Variants in DGLUCY observed in about 807,000 individuals in gnomAD.
The protein encoded by DGLUCY is D-glutamate cyclase, also known as D-glutamate cyclase, mitochondrial.
DGLUCY carries 58 observed loss-of-function variants against 58.5 expected under a neutral mutation model. The observed-to-expected ratio is 0.99, with a 90% CI of 0.80 to 1.23. DGLUCY has a LOEUF of 1.23. Ranked by LOEUF, DGLUCY falls within the 50% of genes most tolerant of loss-of-function variation. The probability of loss-of-function intolerance (pLI) is 0.00; values close to 1 mark genes in which losing one functional copy is unlikely to be tolerated. For synonymous variants in DGLUCY, 325 were observed against 314.1 expected (o/e 1.03, Z -0.37); for missense variants, 779 against 784.7 (o/e 0.99, Z 0.09).
chr14:91,121,311 T>C (rs1326646870), intron 1 of DGLUCY, among the ~76,000 whole-genome samples: 2 of 152,088 alleles, frequency 1.3e-5, no homozygotes, highest in Non-Finnish European at 2.9e-5. Flanking sequence ...CTACTCCACC[T>C]CCAATCATGC....
chr14:91,123,682 G>A lies in DGLUCY; in HGVS notation c.-82+9399G>A, dbSNP rs149406269. Reference sequence around the variant, plus strand: ...GCTCACTGCAACCTCAACCCCCTGGGTGTAGATGATCCTCTGACCTCAGCT... The same window carrying A: ...GCTCACTGCAACCTCAACCCCCTGGATGTAGATGATCCTCTGACCTCAGCT... On this transcript the variant is annotated intron_variant, in intron 1 of 13. Coordinates refer to ENST00000256324, the MANE Select transcript of DGLUCY (RefSeq NM_001102368.3). Among the ~76,000 whole-genome samples, 551 of 152,186 alleles carry A rather than the reference G, an allele frequency of 3.6e-3. 9 individuals are homozygous for A. The highest frequency in any genetic ancestry group is 2.6e-3 in the Non-Finnish European group (177 of 67,990).
rs111818503 is a variant in DGLUCY, at chr14:91,142,825, A to C, written c.-81-14814A>C. On this transcript the variant is annotated intron_variant, in intron 1 of 13. Coordinates refer to ENST00000256324, the MANE Select transcript of DGLUCY (RefSeq NM_001102368.3). ...CTAAACACACACACACACACACAAC[A>C]CACCATCTCTACTAAACACACACAC... is the stretch of plus-strand genomic sequence containing the variant. Among the ~76,000 whole-genome samples the C allele has an allele frequency of 1.6e-3, 216 of 135,488 alleles. 2 individuals are homozygous for C. The highest frequency in any genetic ancestry group is 5.6e-3 in the African/African-American group (206 of 36,558). 88.9% of individuals were successfully genotyped at this position (135,488 alleles called of 152,430 possible).
chr14:91,077,550 G>A (rs1008162010), intron 1 of DGLUCY, among the ~76,000 whole-genome samples: 14 of 151,876 alleles, frequency 9.2e-5, no homozygotes, highest in African/African-American at 1.5e-4. Context: ...TCAATAGATC[G>A]AGACCATCCT....
chr14:91,178,623 C>T (rs1471829040), intron 7 of DGLUCY, among the ~76,000 whole-genome samples: 2 of 152,126 alleles, frequency 1.3e-5, no homozygotes, highest in Non-Finnish European at 2.9e-5. Context: ...CACAGACAAG[C>T]GATAATTAAA....
chr14:91,160,747 T>C (rs1247784012), intron 3 of DGLUCY, among the ~76,000 whole-genome samples: 2 of 152,176 alleles, frequency 1.3e-5, no homozygotes, highest in South Asian at 4.1e-4. Flanking sequence ...AACCAGATTT[T>C]GATTCAGACC....
chr14:91,150,291 T>G (rs554800018), intron 1 of DGLUCY, among the ~76,000 whole-genome samples: 276 of 147,262 alleles, frequency 1.9e-3, no homozygotes, highest in African/African-American at 6.7e-3. Flanking sequence ...CCTTTCCCAA[T>G]ATTAGCGCCT....
chr14:91,164,246 G>A (rs1392131417), intron 3 of DGLUCY, among the ~76,000 whole-genome samples: 1 of 152,188 alleles, frequency 6.6e-6, no homozygotes, highest in East Asian at 1.9e-4. Context: ...CACCACGCCC[G>A]GCCCAATAGA....
chr14:91,109,014 T>G (rs959598657), intron 1 of DGLUCY, among the ~76,000 whole-genome samples: 3 of 152,048 alleles, frequency 2.0e-5, no homozygotes, highest in Non-Finnish European at 2.9e-5. Context: ...AGCTGGCTGC[T>G]CCTTGCCTTT....
At chr14:91,068,075 GCACGCACA>G (rs1222938943) in intron 1 of DGLUCY, among the ~76,000 whole-genome samples, 1 of 45,996 alleles carries the variant, frequency 2.2e-5, no homozygotes, top group African/African-American at 8.6e-5. Flanking sequence ...ACACACACGC[GCACGCACA>G]CACACACACA....
intron 1 of DGLUCY, among the ~76,000 whole-genome samples, chr14:91,081,280 T>C (rs1313199141): frequency 6.6e-6 from 1 of 151,830 alleles, no homozygotes; most frequent in Non-Finnish European, 1.5e-5. Context: ...CACAAACAAG[T>C]ACAAGTGCCA....
At chr14:91,081,423 G>A (rs2044125665) in intron 1 of DGLUCY, among the ~76,000 whole-genome samples, 1 of 152,210 alleles carries the variant, frequency 6.6e-6, no homozygotes, top group African/African-American at 2.4e-5. Flanking sequence ...GAGGGCCATA[G>A]GCCAGGGCCA....
chr14:91,208,704 G>GGC (rs1885169529), intron 12 of DGLUCY, among the ~76,000 whole-genome samples: 1 of 152,114 alleles, frequency 6.6e-6, no homozygotes, highest in Non-Finnish European at 1.5e-5. Context: ...AGCCATGATT[G>GGC]TGCCACTATA....
At chr14:91,178,989 A>C (rs1029068727) in intron 7 of DGLUCY, among the ~76,000 whole-genome samples, 8 of 151,974 alleles carry the variant, frequency 5.3e-5, no homozygotes, top group African/African-American at 1.2e-4. Flanking sequence ...TCACCACTGC[A>C]CTCCAGCCTG....
At chr14:91,190,542 C>T (rs912002949) in intron 9 of DGLUCY, among the ~76,000 whole-genome samples, 1 of 151,946 alleles carries the variant, frequency 6.6e-6, no homozygotes, top group Non-Finnish European at 1.5e-5. Context: ...AGGAGGTGGC[C>T]TTTGAGTCCA....
At chr14:91,180,749 A>G (rs2049127587) in intron 7 of DGLUCY, among the ~76,000 whole-genome samples, 1 of 152,210 alleles carries the variant, frequency 6.6e-6, no homozygotes, top group African/African-American at 2.4e-5. Flanking sequence ...TGTAAGTGCC[A>G]TAAGGAAAAA....
At chr14:91,097,009 T>G (rs1269769866) in intron 1 of DGLUCY, among the ~76,000 whole-genome samples, 1 of 152,168 alleles carries the variant, frequency 6.6e-6, no homozygotes, top group African/African-American at 2.4e-5. Flanking sequence ...AAGCAAAAAA[T>G]AGACTGGTGG....
chr14:91,187,043 A>C (rs2049565477), intron 8 of DGLUCY, among the ~76,000 whole-genome samples: 1 of 151,908 alleles, frequency 6.6e-6, no homozygotes, highest in Non-Finnish European at 1.5e-5. Flanking sequence ...TCTGTCACCC[A>C]GGTTGGAGTG....
At chr14:91,154,282 A>G (rs937897718) in intron 1 of DGLUCY, among the ~76,000 whole-genome samples, 4 of 152,234 alleles carry the variant, frequency 2.6e-5, no homozygotes, top group Admixed American at 1.3e-4. Flanking sequence ...TTCACTGAAT[A>G]CACAATTTCC....
At position 91,148,192 on chromosome 14, in the gene DGLUCY, C is replaced by T. The variant is rs148624756; in HGVS notation, c.-81-9447C>T. The stretch of plus-strand genomic sequence containing the variant: ...CTGTCTCAAAAAAGAAAGATACACA[C>T]ATCTCTAACAAAGGATTTTTTTTTT... On this transcript the variant is annotated intron_variant, in intron 1 of 13. Coordinates refer to ENST00000256324, the MANE Select transcript of DGLUCY (RefSeq NM_001102368.3). 4.0e-3 allele frequency among the ~76,000 whole-genome samples: 601 copies of T among 151,936 alleles called. 4 individuals are homozygous for T. The highest frequency in any genetic ancestry group is 0.01 in the Middle Eastern group (3 of 294).
Sources: gnomAD v4.1 joint callset for allele counts (sites outside exome capture counted in the v4.1 genomes callset) on GRCh38, gnomAD v4.1.1 for gene constraint, MANE v1.5 for transcripts, NCBI Gene and HGNC (gene_info 2026-07-23, HGNC 2026-07-21) for gene names.